ACTR3C: variants seen among roughly 807,000 people sequenced by gnomAD.
ACTR3C encodes the protein actin related protein 3C.
Under a neutral mutation model 26.3 loss-of-function variants are expected in ACTR3C, and 18 were observed. The observed-to-expected ratio is 0.68, with a 90% CI of 0.47 to 1.01. The LOEUF is 1.01. ACTR3C is among the 50% of genes least tolerant of loss of function. The pLI, the probability that ACTR3C is intolerant of heterozygous loss-of-function variation, is 0.00. For missense variants in ACTR3C, 184 were observed against 250.7 expected, an observed-to-expected ratio of 0.73 and a Z score of 1.80; for synonymous variants, 55 against 94.5, an observed-to-expected ratio of 0.58 and a Z score of 2.42.
chr7:150,280,871 T>C (rs1052386772), intron 6 of ACTR3C, among the ~76,000 whole-genome samples: 8 of 151,880 alleles, frequency 5.3e-5, no homozygotes, highest in Admixed American at 5.2e-4. Flanking sequence ...ACCTCAAAAA[T>C]ATACCTATTA....
chr7:150,135,063 G>A, the ACTR3C span, among the ~76,000 whole-genome samples: 1 of 152,190 alleles, frequency 6.6e-6, no homozygotes, highest in African/African-American at 2.4e-5. Flanking sequence ...CAAAGTGCTG[G>A]GATTACAGGT....
chr7:150,311,470 C>T (rs1185985248), intron 1 of ACTR3C, among the ~76,000 whole-genome samples: 2 of 152,276 alleles, frequency 1.3e-5, no homozygotes, highest in East Asian at 1.9e-4. Context: ...TTAATGTCCT[C>T]CTCACACCTT....
the ACTR3C span, chr7:150,005,091 G>A: frequency 6.6e-6 from 1 of 152,218 alleles, no homozygotes; most frequent in Admixed American, 6.5e-5. Context: ...AATACAGAAA[G>A]AGAGAAAATA....
chr7:150,076,939 C>T, the ACTR3C span, among the ~76,000 whole-genome samples: 3 of 152,160 alleles, frequency 2.0e-5, no homozygotes, highest in African/African-American at 4.8e-5. Context: ...CCAAGGCGAG[C>T]GAATCACCTG....
At chr7:150,100,984 C>A in the ACTR3C span, among the ~76,000 whole-genome samples, 4 of 151,674 alleles carry the variant, frequency 2.6e-5, no homozygotes, top group Non-Finnish European at 5.9e-5. Context: ...GGATTATAGG[C>A]GTGAGCCACC....
chr7:150,154,431 T>C, the ACTR3C span, among the ~76,000 whole-genome samples: 1 of 151,900 alleles, frequency 6.6e-6, no homozygotes, highest in Non-Finnish European at 1.5e-5. Flanking sequence ...GCTGATTACA[T>C]AGGGCGATTT....
chr7:150,043,603 A>C, the ACTR3C span, among the ~76,000 whole-genome samples: 2 of 152,230 alleles, frequency 1.3e-5, no homozygotes, highest in Non-Finnish European at 2.9e-5. Flanking sequence ...CAGTGGGATC[A>C]AGAGAGGGCA....
the ACTR3C span, among the ~76,000 whole-genome samples, chr7:150,102,876 C>T: frequency 3.3e-3 from 479 of 147,266 alleles, no homozygotes; most frequent in African/African-American, 0.011. Flanking sequence ...GACCTGCCTC[C>T]CTTGTAGCCT....
chr7:149,914,991 T>C, the ACTR3C span, among the ~76,000 whole-genome samples: 2 of 151,918 alleles, frequency 1.3e-5, no homozygotes, highest in African/African-American at 4.8e-5. Context: ...GCGATTCTTC[T>C]GCCTCAGCCT....
chr7:150,012,206 T>C, the ACTR3C span, among the ~76,000 whole-genome samples: 1 of 152,178 alleles, frequency 6.6e-6, no homozygotes, highest in African/African-American at 2.4e-5. Context: ...GAAGCTCTTT[T>C]TTTTTCTTTA....
the ACTR3C span, among the ~76,000 whole-genome samples, chr7:149,975,281 A>G: frequency 6.6e-6 from 1 of 152,204 alleles, no homozygotes; most frequent in African/African-American, 2.4e-5. Flanking sequence ...TGGAAATTAA[A>G]CACCCTGATA....
the ACTR3C span, among the ~76,000 whole-genome samples, chr7:150,117,384 G>T: frequency 6.6e-6 from 1 of 152,176 alleles, no homozygotes. Context: ...TGGGATGCTC[G>T]AGCTTGGTGG....
the ACTR3C span, among the ~76,000 whole-genome samples, chr7:150,119,923 A>C: frequency 6.6e-6 from 1 of 152,238 alleles, no homozygotes; most frequent in Admixed American, 6.5e-5. Context: ...ACTCAGGATT[A>C]AGACACTCAC....
At chr7:150,301,990 C>T (rs548822090) in intron 1 of ACTR3C, among the ~76,000 whole-genome samples, 17 of 151,864 alleles carry the variant, frequency 1.1e-4, no homozygotes, top group African/African-American at 3.9e-4. Flanking sequence ...GCTGTACATT[C>T]AAAAATGGTT....
At chr7:150,024,594 CA>C in the ACTR3C span, among the ~76,000 whole-genome samples, 1 of 150,086 alleles carries the variant, frequency 6.7e-6, no homozygotes, top group Non-Finnish European at 1.5e-5. Flanking sequence ...ACAAGTCCCC[CA>C]AACAAACGGG....
the ACTR3C span, among the ~76,000 whole-genome samples, chr7:149,934,376 A>C: frequency 2.1e-4 from 32 of 152,174 alleles, no homozygotes; most frequent in Non-Finnish European, 3.8e-4. Flanking sequence ...AAAGCTCCAG[A>C]GTGTGCCAGG....
the ACTR3C span, among the ~76,000 whole-genome samples, chr7:149,939,715 C>G: frequency 6.8e-6 from 1 of 148,032 alleles, no homozygotes; most frequent in Non-Finnish European, 1.5e-5. Context: ...TCTCTTGGCT[C>G]TGAAATTTTA....
the ACTR3C span, among the ~76,000 whole-genome samples, chr7:150,036,947 G>C: frequency 1.0e-5 from 1 of 98,982 alleles, no homozygotes; most frequent in Non-Finnish European, 2.4e-5. Flanking sequence ...AGAGCCAGTG[G>C]GGGAACCAGG....
the ACTR3C span, among the ~76,000 whole-genome samples, chr7:150,016,145 C>A: frequency 6.6e-6 from 1 of 152,102 alleles, no homozygotes; most frequent in Admixed American, 6.5e-5. Flanking sequence ...TGCTCTCTGC[C>A]CCAGCATACT....
Sources: gnomAD v4.1 joint callset for allele counts (sites outside exome capture counted in the v4.1 genomes callset) on GRCh38, gnomAD v4.1.1 for gene constraint, MANE v1.5 for transcripts, NCBI Gene and HGNC (gene_info 2026-07-23, HGNC 2026-07-21) for gene names.